GLCCI1: variants seen among roughly 807,000 people sequenced by gnomAD.
GLCCI1 encodes the protein glucocorticoid induced 1, also known as glucocorticoid-induced transcript 1 protein.
GLCCI1 carries 24 observed loss-of-function variants against 52.2 expected under a neutral mutation model. The ratio of observed to expected loss-of-function variants is 0.46; its 90% confidence interval spans 0.33 to 0.65. GLCCI1 has a LOEUF of 0.65. GLCCI1 is among the 30% of genes least tolerant of loss of function. The pLI, the probability that GLCCI1 is intolerant of heterozygous loss-of-function variation, is 0.02. For synonymous variants in GLCCI1, 310 were observed against 276.5 expected, an observed-to-expected ratio of 1.12 and a Z score of -1.20; for missense variants, 704 against 701.5, an observed-to-expected ratio of 1.00 and a Z score of -0.04.
At chr7:8,053,077 C>T (rs941906517) in intron 3 of GLCCI1, among the ~76,000 whole-genome samples, 2 of 151,324 alleles carry the variant, frequency 1.3e-5, no homozygotes, top group East Asian at 3.9e-4. Context: ...ATAATCAGGA[C>T]AAAAATAGCA....
At chr7:8,074,255 A>G (rs1370658372) in intron 6 of GLCCI1, among the ~76,000 whole-genome samples, 1 of 152,040 alleles carries the variant, frequency 6.6e-6, no homozygotes, top group Non-Finnish European at 1.5e-5. Context: ...ACACTATTAT[A>G]CAGTGATGTT....
intron 6 of GLCCI1, among the ~76,000 whole-genome samples, chr7:8,079,321 A>AGCGC: frequency 6.8e-6 from 1 of 146,534 alleles, no homozygotes; most frequent in African/African-American, 2.8e-5. Context: ...AAATTTTGCC[A>AGCGC]TTTAATAAAC....
At chr7:7,995,952 A>G (rs940997879) in intron 1 of GLCCI1, among the ~76,000 whole-genome samples, 1 of 152,182 alleles carries the variant, frequency 6.6e-6, no homozygotes, top group Non-Finnish European at 1.5e-5. Context: ...AAAATGAAAA[A>G]AAGAGAGCCT....
At position 8,087,344 on chromosome 7, in the gene GLCCI1, G is replaced by A. The variant is rs1168334904; in HGVS notation, c.*806G>A. On this transcript the variant is annotated 3_prime_UTR_variant, in exon 8 of 8. Coordinates refer to ENST00000223145, the MANE Select transcript of GLCCI1 (RefSeq NM_138426.4). ...ACTGTTGCATTCACTGTTTCAACATGTGTACATGTGGCTTTTTTAAAAGTT... is the reference window on the plus strand; with the variant it reads ...ACTGTTGCATTCACTGTTTCAACATATGTACATGTGGCTTTTTTAAAAGTT... 6.6e-6 allele frequency: 1 copy of A among 152,668 alleles called. No homozygotes were observed. The highest frequency in any genetic ancestry group is 2.4e-5 in the African/African-American group (1 of 41,460). The allele number at this position is 152,668 out of a possible 1,614,324, so 9.5% of individuals were successfully genotyped here. A position where few individuals can be genotyped will look rare whatever the true frequency, so the allele number is the denominator to read the frequency against.
At chr7:8,045,133 G>C (rs11981372) in intron 3 of GLCCI1, among the ~76,000 whole-genome samples, 94,123 of 152,002 alleles carry the variant, frequency 0.62, 29,794 homozygotes, top group African/African-American at 0.76. Flanking sequence ...GTGAGCTGGA[G>C]GTAAATTTAA....
chr7:8,039,458 TAAA>T (rs1321005416), intron 3 of GLCCI1, among the ~76,000 whole-genome samples: 1 of 152,304 alleles, frequency 6.6e-6, no homozygotes, highest in Admixed American at 6.5e-5. Flanking sequence ...TATTAATTCA[TAAA>T]GAAGAATGAA....
chr7:7,996,999 G>A (rs1414470981), intron 1 of GLCCI1, among the ~76,000 whole-genome samples: 2 of 152,114 alleles, frequency 1.3e-5, no homozygotes, highest in South Asian at 2.1e-4. Context: ...ATTTTACGTG[G>A]CCTATGTATT....
At chr7:8,074,429 A>G (rs1279118649) in intron 6 of GLCCI1, among the ~76,000 whole-genome samples, 1 of 152,116 alleles carries the variant, frequency 6.6e-6, no homozygotes, top group African/African-American at 2.4e-5. Flanking sequence ...TATTTCTGTG[A>G]TCCCAGCATT....
rs201556271 is a variant in GLCCI1 at position 8,060,136 on chromosome 7, T to A, written c.854T>A (p.Ile285Lys). 2 of 1,613,788 alleles carry A rather than the reference T, an allele frequency of 1.2e-6. No homozygotes were observed. Among genetic ancestry groups the A allele is most frequent in the East Asian group, 4.5e-5 (2 of 44,838 alleles). The change falls in exon 5 of 8, where the codon ATA (isoleucine) becomes AAA (lysine). Residue 285 changes from isoleucine to lysine, a missense_variant. Physicochemically the swap from Ile to Lys is moderately radical, Grantham distance 102. Coordinates refer to ENST00000223145, the MANE Select transcript of GLCCI1 (RefSeq NM_138426.4). Reference sequence around the variant, plus strand: ...TCAGTTCCTATGCCACTGTCAAATATATCAGTGCCAAAATCATCTGTTTCG... The same window carrying A: ...TCAGTTCCTATGCCACTGTCAAATAAATCAGTGCCAAAATCATCTGTTTCG... ...SRSVPMPLSN[I>K]SVPKSSVSRV...
chr7:8,073,821 A>G (rs180691608), intron 6 of GLCCI1, among the ~76,000 whole-genome samples: 1 of 152,318 alleles, frequency 6.6e-6, no homozygotes, highest in Non-Finnish European at 1.5e-5. Context: ...TTAAAGCCCC[A>G]TGACATCAGT....
intron 5 of GLCCI1, among the ~76,000 whole-genome samples, chr7:8,062,527 G>A (rs1300718521): frequency 1.3e-5 from 2 of 152,176 alleles, no homozygotes. Context: ...TAAGTTGTAT[G>A]TCACTGGAAT....
Position 8,077,035 on chromosome 7 carries a change from G to A in GLCCI1, c.1177+5904G>A, listed in dbSNP as rs559642917. Among the ~76,000 whole-genome samples, 8 of 152,256 alleles carry A rather than the reference G, an allele frequency of 5.3e-5. No individual in the cohort carries two copies. In the East Asian group the frequency reaches 1.5e-3, roughly 29 times the overall value. On this transcript the variant is annotated intron_variant, in intron 6 of 7. Transcript: ENST00000223145. The stretch of plus-strand genomic sequence containing the variant: ...TAAGATTATGCTAAATTTAGTGATA[G>A]GCTTTTGGTGGGAAAGAGGCCATGA...
chr7:8,086,101 T>C lies in GLCCI1; in HGVS notation c.1299-92T>C. The C allele has an allele frequency of 9.4e-7, 1 of 1,061,478 alleles. No individual in the cohort carries two copies. Among genetic ancestry groups the C allele is most frequent in the Non-Finnish European group, 1.4e-6 (1 of 727,890 alleles). The allele number at this position is 1,061,478 out of a possible 1,614,324, so 65.8% of individuals were successfully genotyped here. On this transcript the variant is annotated intron_variant, in intron 7 of 7. Coordinates refer to ENST00000223145, the MANE Select transcript of GLCCI1 (RefSeq NM_138426.4). This position sits in a 1 kb window ranked among gnomAD's most constrained non-coding sequence, Gnocchi z 4.4. Reference sequence around the variant, plus strand: ...TAACCCATCTCCTGCCATTTACATTTTAGCTGTTTTAGAGAACTCCAGTTA... The same window carrying C: ...TAACCCATCTCCTGCCATTTACATTCTAGCTGTTTTAGAGAACTCCAGTTA...
chr7:8,079,712 T>A (rs1357513622), intron 6 of GLCCI1, among the ~76,000 whole-genome samples: 1 of 151,502 alleles, frequency 6.6e-6, no homozygotes, highest in East Asian at 1.9e-4. Context: ...TCAATTTAAT[T>A]CATACTTATG....
At chr7:8,024,074 A>AGCAGTAAGTCATTTTTTTC (rs1781560239) in intron 3 of GLCCI1, among the ~76,000 whole-genome samples, 1 of 152,174 alleles carries the variant, frequency 6.6e-6, no homozygotes, top group South Asian at 2.1e-4. Flanking sequence ...TTTAAAGGCT[A>AGCAGTAAGTCATTTTTTTC]GCAGTAAGTC....
intron 6 of GLCCI1, among the ~76,000 whole-genome samples, chr7:8,073,342 C>T (rs1282050849): frequency 1.3e-5 from 2 of 152,062 alleles, no homozygotes; most frequent in African/African-American, 2.4e-5. Context: ...CTTCCCTAGC[C>T]TAGTTTGTGT....
At chr7:8,039,996 CAAAAAA>C (rs58721575) in intron 3 of GLCCI1, among the ~76,000 whole-genome samples, 1 of 116,994 alleles carries the variant, frequency 8.5e-6, no homozygotes. Flanking sequence ...GACTCTGTCT[CAAAAAA>C]AAAAAAAAAA....
intron 4 of GLCCI1, among the ~76,000 whole-genome samples, chr7:8,058,839 C>G (rs936079303): frequency 1.3e-5 from 2 of 152,170 alleles, no homozygotes; most frequent in African/African-American, 4.8e-5. Flanking sequence ...TAACAGCGTA[C>G]TGTTGCACAG....
rs1389989400 is a variant in GLCCI1 at position 8,089,075 on chromosome 7, CTG to C, written c.*2538_*2539del. The C allele has an allele frequency of 6.6e-6, 1 of 152,348 alleles. No homozygotes were observed. Among genetic ancestry groups the C allele is most frequent in the Non-Finnish European group, 1.5e-5 (1 of 68,028 alleles). 9.4% of individuals were successfully genotyped at this position (152,348 alleles called of 1,614,324 possible). A position where few individuals can be genotyped will look rare whatever the true frequency, so the allele number is the denominator to read the frequency against. ...TATTTAAATAAAGTTATTAGTAAAA[CTG>C]AAATAGTTCACACATGTTTTTGGAA... On this transcript the variant is annotated 3_prime_UTR_variant, in exon 8 of 8. Coordinates refer to ENST00000223145, the MANE Select transcript of GLCCI1 (RefSeq NM_138426.4).
Sources: allele counts gnomAD v4.1 joint callset (sites outside exome capture counted in the v4.1 genomes callset), GRCh38; gene constraint gnomAD v4.1.1; non-coding constraint Gnocchi (gnomAD v3.1); transcripts MANE v1.5; gene names NCBI Gene and HGNC (gene_info 2026-07-23, HGNC 2026-07-21).